The following WDR72 variants were observed in gnomAD, a reference collection of about 807,000 sequenced individuals.
WDR72 encodes WD repeat-containing protein 72.
A neutral mutation model predicts 124.2 loss-of-function variants in WDR72; 120 were observed. The observed-to-expected ratio is 0.97, with a 90% CI of 0.83 to 1.12. The LOEUF is 1.12. WDR72 is among the 50% of genes most tolerant of loss of function. WDR72 has a pLI of 0.00. For missense variants in WDR72, 1,387 were observed against 1,278.8 expected (o/e 1.08, Z -1.29); for synonymous variants, 452 against 441.7 (o/e 1.02, Z -0.29).
intron 18 of WDR72, among the ~76,000 whole-genome samples, chr15:53,575,059 C>T (rs995715034): frequency 6.6e-6 from 1 of 151,350 alleles, no homozygotes; most frequent in Non-Finnish European, 1.5e-5. Flanking sequence ...TGTATGTATA[C>T]ACATACATGT....
At chr15:53,671,944 A>G (rs200886136) in intron 13 of WDR72, among the ~76,000 whole-genome samples, 1 of 151,068 alleles carries the variant, frequency 6.6e-6, no homozygotes, top group Non-Finnish European at 1.5e-5. Flanking sequence ...GAGAAAAAAA[A>G]GGGAAGAGGG....
intron 18 of WDR72, among the ~76,000 whole-genome samples, chr15:53,527,586 T>C (rs1051255904): frequency 1.3e-5 from 2 of 152,066 alleles, no homozygotes; most frequent in African/African-American, 4.8e-5. Context: ...TTATGAATGA[T>C]TTAAAAATAG....
chr15:53,543,043 T>C (rs1471841619), intron 18 of WDR72, among the ~76,000 whole-genome samples: 1 of 149,782 alleles, frequency 6.7e-6, no homozygotes. Context: ...ACATTAATAA[T>C]GGGAGACTTT....
Position 53,733,133 on chromosome 15 carries a change from T to G in WDR72, c.17A>C (p.Gln6Pro). MRTSL[Q>P]AVALWGQKAP... ...CTTCTGTCCCCAGAGTGCCACTGCC[T>G]GCAGGGAAGTCCTCATTTTGGGCGA... The change falls in exon 2 of 20, where the codon CAG becomes CCG. Residue 6 changes from glutamine to proline, a missense_variant. Physicochemically the swap from Gln to Pro is moderately conservative, Grantham distance 76. Transcript: ENST00000360509. 6.2e-7 allele frequency: 1 copy of G among 1,614,038 alleles called. No homozygotes were observed. Among genetic ancestry groups the G allele is most frequent in the Non-Finnish European group, 8.5e-7 (1 of 1,179,946 alleles).
chr15:53,545,599 A>G (rs893954279), intron 18 of WDR72, among the ~76,000 whole-genome samples: 1 of 151,864 alleles, frequency 6.6e-6, no homozygotes, highest in African/African-American at 2.4e-5. Context: ...GGACATAGGC[A>G]TGGGGAAGGA....
chr15:53,546,889 C>G (rs1376724867), intron 18 of WDR72, among the ~76,000 whole-genome samples: 1 of 152,018 alleles, frequency 6.6e-6, no homozygotes, highest in Non-Finnish European at 1.5e-5. Flanking sequence ...GTTTGAAAAT[C>G]TAGATTAAAC....
intron 12 of WDR72, among the ~76,000 whole-genome samples, chr15:53,700,978 C>T (rs1367551935): frequency 6.6e-6 from 1 of 152,150 alleles, no homozygotes; most frequent in Non-Finnish European, 1.5e-5. Flanking sequence ...CAGGAATAGA[C>T]TATGGAGAAA....
intron 14 of WDR72, among the ~76,000 whole-genome samples, chr15:53,626,749 G>T (rs111801133): frequency 0.014 from 2,143 of 152,178 alleles, 58 homozygotes; most frequent in African/African-American, 0.049. Context: ...TGATTGGTCG[G>T]GTGTGAGCTA....
intron 18 of WDR72, among the ~76,000 whole-genome samples, chr15:53,578,058 T>C (rs1399516822): frequency 2.0e-5 from 3 of 152,172 alleles, no homozygotes; most frequent in African/African-American, 7.2e-5. Context: ...AAGTATGTTA[T>C]TTGTATTTTA....
At chr15:53,672,044 C>G (rs2016009676) in intron 13 of WDR72, among the ~76,000 whole-genome samples, 1 of 151,632 alleles carries the variant, frequency 6.6e-6, no homozygotes, top group East Asian at 1.9e-4. Context: ...TTTCTAGATC[C>G]TTCCTAAGGA....
intron 14 of WDR72, among the ~76,000 whole-genome samples, chr15:53,635,453 G>A (rs1156703583): frequency 6.6e-6 from 1 of 152,132 alleles, no homozygotes; most frequent in African/African-American, 2.4e-5. Flanking sequence ...GGATAGAAAA[G>A]CTTTGGGAAT....
At chr15:53,629,791 G>A (rs1446639537) in intron 14 of WDR72, among the ~76,000 whole-genome samples, 1 of 151,940 alleles carries the variant, frequency 6.6e-6, no homozygotes, top group Non-Finnish European at 1.5e-5. Context: ...CAGCAGTTTG[G>A]CAATCATGGT....
At chr15:53,602,688 A>C (rs898545967) in intron 17 of WDR72, among the ~76,000 whole-genome samples, 1 of 152,162 alleles carries the variant, frequency 6.6e-6, no homozygotes, top group East Asian at 1.9e-4. Context: ...CAATCCTCGG[A>C]GAATATTATA....
chr15:53,712,757 G>A lies in WDR72; in HGVS notation c.711+15C>T. The A allele has an allele frequency of 6.2e-7, 1 of 1,608,382 alleles. No homozygotes were observed. Among genetic ancestry groups the A allele is most frequent in the East Asian group, 2.2e-5 (1 of 44,782 alleles). On this transcript the variant is annotated intron_variant, in intron 7 of 19. Coordinates refer to ENST00000360509, the MANE Select transcript of WDR72 (RefSeq NM_182758.4). ...CTTGTACATCACTGGTATTTATTAT[G>A]TTACTTTATAATACCTTCCAACATT...
At chr15:53,695,306 G>A (rs918332043) in intron 13 of WDR72, among the ~76,000 whole-genome samples, 12 of 152,180 alleles carry the variant, frequency 7.9e-5, no homozygotes, top group African/African-American at 2.9e-4. Context: ...GAAAAGAGTA[G>A]TACTCAGAAT....
intron 18 of WDR72, among the ~76,000 whole-genome samples, chr15:53,584,070 G>A (rs2012074618): frequency 1.3e-5 from 2 of 151,794 alleles, no homozygotes; most frequent in South Asian, 2.1e-4. Flanking sequence ...AGAGAAGGAG[G>A]TTAATAATGT....
chr15:53,645,960 T>C (rs1324713799), intron 14 of WDR72, among the ~76,000 whole-genome samples: 3 of 152,180 alleles, frequency 2.0e-5, no homozygotes, highest in Non-Finnish European at 2.9e-5. Context: ...AACAATTACC[T>C]TTAAACAAGA....
intron 16 of WDR72, among the ~76,000 whole-genome samples, chr15:53,611,198 A>G (rs1212135531): frequency 6.6e-6 from 1 of 152,126 alleles, no homozygotes; most frequent in African/African-American, 2.4e-5. Flanking sequence ...GGCTTCATAA[A>G]ATTAATACCA....
rs767523993 is a variant in WDR72 at position 53,706,025 on chromosome 15, G to T, written c.1004C>A (p.Pro335His). 6 of 1,613,970 alleles carry T rather than the reference G, an allele frequency of 3.7e-6. No homozygotes were observed. Among genetic ancestry groups the T allele is most frequent in the Non-Finnish European group, 5.1e-6 (6 of 1,179,986 alleles). The change falls in exon 10 of 20, where the codon CCT becomes CAT. Residue 335 changes from proline to histidine, a missense_variant. Coordinates refer to ENST00000360509, the MANE Select transcript of WDR72 (RefSeq NM_182758.4). ...TCCAGAGAAAAGTACCTTGTAAAAA[G>T]GCTCTTTCCTTTCATTCATGTAGCC... ...VMGYMNERKE[P>H]FYKVLFSGEV...
Sources: gnomAD v4.1 joint callset for allele counts (sites outside exome capture counted in the v4.1 genomes callset) on GRCh38, gnomAD v4.1.1 for gene constraint, MANE v1.5 for transcripts, NCBI Gene and HGNC (gene_info 2026-07-23, HGNC 2026-07-21) for gene names.